ATG10: variants seen among roughly 807,000 people sequenced by gnomAD.
ATG10 encodes autophagy related 10.
In ATG10, 30 loss-of-function variants were observed where a neutral mutation model predicts 32.1. The observed-to-expected ratio is 0.94, with a 90% CI of 0.70 to 1.27. The LOEUF is 1.27. Among genes scored for constraint, ATG10 ranks in the 50% most tolerant of loss-of-function variants. The pLI, the probability that ATG10 is intolerant of heterozygous loss-of-function variation, is 0.00. For synonymous variants in ATG10, 87 were observed against 91.5 expected, an observed-to-expected ratio of 0.95 and a Z score of 0.28; for missense variants, 233 against 262.3, an observed-to-expected ratio of 0.89 and a Z score of 0.77.
intron 2 of ATG10, among the ~76,000 whole-genome samples, chr5:82,004,434 G>A (rs1204746549): frequency 6.6e-6 from 1 of 152,138 alleles, no homozygotes; most frequent in Non-Finnish European, 1.5e-5. Context: ...TAGGAAATCA[G>A]GAGATGGAGA....
At chr5:82,136,392 A>C (rs6884057) in intron 3 of ATG10, among the ~76,000 whole-genome samples, 49,720 of 151,988 alleles carry the variant, frequency 0.33, 9,258 homozygotes, top group African/African-American at 0.52. Context: ...TTTAGTGCTT[A>C]CTTCAGGAGC....
chr5:82,076,371 A>G (rs186670724), intron 3 of ATG10, among the ~76,000 whole-genome samples: 13 of 152,324 alleles, frequency 8.5e-5, no homozygotes, highest in Admixed American at 3.3e-4. Flanking sequence ...GGCAATTTTA[A>G]TTGTAAAATC....
rs757935761 is a variant in ATG10 at position 82,127,409 on chromosome 5, TG to T, written c.217-36989del. On this transcript the variant is annotated intron_variant, in intron 3 of 7. Transcript: ENST00000282185. ...GTTTTAGATCTTTCCTGCTTCCTCCTGTGGGCATTTAGTGCTGTAAATTTTC... is the reference window on the plus strand; with the variant it reads ...GTTTTAGATCTTTCCTGCTTCCTCCTTGGGCATTTAGTGCTGTAAATTTTC... Among the ~76,000 whole-genome samples, 11 of 152,276 alleles carry T rather than the reference TG, an allele frequency of 7.2e-5. No individual in the cohort carries two copies. The South Asian group carries it at 1.0e-3, about 14-fold the overall frequency.
At chr5:82,060,009 C>T (rs1296590406) in intron 3 of ATG10, among the ~76,000 whole-genome samples, 1 of 152,014 alleles carries the variant, frequency 6.6e-6, no homozygotes, top group African/African-American at 2.4e-5. Context: ...TAGTTTTTGC[C>T]TAACAAGTTG....
At chr5:82,005,118 G>T (rs1425278708) in intron 2 of ATG10, among the ~76,000 whole-genome samples, 1 of 152,002 alleles carries the variant, frequency 6.6e-6, no homozygotes, top group Non-Finnish European at 1.5e-5. Flanking sequence ...AAATAAATAG[G>T]GATAGATGAA....
chr5:82,037,114 AATGAGACTCT>A (rs1762946918), intron 2 of ATG10, among the ~76,000 whole-genome samples: 1 of 128,912 alleles, frequency 7.8e-6, no homozygotes, highest in South Asian at 2.8e-4. Flanking sequence ...CTGGCAACAG[AATGAGACTCT>A]GTCTCAAAAA....
intron 3 of ATG10, among the ~76,000 whole-genome samples, chr5:82,162,763 G>A (rs760832809): frequency 1.3e-4 from 20 of 150,238 alleles, no homozygotes; most frequent in Non-Finnish European, 1.0e-4. Flanking sequence ...TTGGCAGCAC[G>A]TGGCAGGATG....
At chr5:82,049,881 TC>T (rs1434480805) in intron 2 of ATG10, among the ~76,000 whole-genome samples, 1 of 152,180 alleles carries the variant, frequency 6.6e-6, no homozygotes, top group Non-Finnish European at 1.5e-5. Flanking sequence ...GATCTCAGTC[TC>T]CCTAGTGAAC....
intron 3 of ATG10, among the ~76,000 whole-genome samples, chr5:82,140,690 C>G (rs1767080648): frequency 7.2e-5 from 3 of 41,426 alleles, no homozygotes; most frequent in Admixed American, 2.5e-4. Context: ...GTGAGGAGCC[C>G]CTCTGCCCGG....
chr5:82,017,155 CTTT>C (rs546239476), intron 2 of ATG10, among the ~76,000 whole-genome samples: 1 of 141,272 alleles, frequency 7.1e-6, no homozygotes, highest in Admixed American at 7.1e-5. Context: ...TATTTTATCT[CTTT>C]TTTTTTTTTT....
chr5:82,200,864 A>ATTATTTATTTATTTAT (rs34770803), intron 5 of ATG10, among the ~76,000 whole-genome samples: 23 of 143,208 alleles, frequency 1.6e-4, no homozygotes, highest in African/African-American at 4.7e-4. Context: ...TTAAAAATAC[A>ATTATTTATTTATTTAT]TTATTTATTT....
intron 2 of ATG10, among the ~76,000 whole-genome samples, chr5:81,993,111 A>T (rs549931531): frequency 2.6e-5 from 4 of 152,140 alleles, no homozygotes; most frequent in African/African-American, 9.6e-5. Context: ...AGTCAGACAG[A>T]TCCAGGTTCA....
intron 2 of ATG10, among the ~76,000 whole-genome samples, chr5:82,038,066 A>G (rs1174653253): frequency 6.6e-6 from 1 of 152,224 alleles, no homozygotes; most frequent in Admixed American, 6.5e-5. Context: ...TGTATTTTCA[A>G]GATAAAGATT....
At chr5:82,194,163 A>G (rs879874069) in intron 5 of ATG10, among the ~76,000 whole-genome samples, 4 of 152,098 alleles carry the variant, frequency 2.6e-5, no homozygotes, top group Non-Finnish European at 1.5e-5. Flanking sequence ...CATTGGAACT[A>G]TTATTTGTGT....
At chr5:81,993,133 T>C (rs1019004030) in intron 2 of ATG10, among the ~76,000 whole-genome samples, 2 of 152,176 alleles carry the variant, frequency 1.3e-5, no homozygotes, top group African/African-American at 4.8e-5. Flanking sequence ...ATACCTTCTT[T>C]ACCATTTACT....
At position 81,993,364 on chromosome 5, in the gene ATG10, T is replaced by TTTCTTTC. The variant is rs374179266; in HGVS notation, c.108+5688_108+5689insCTTTCTT. 8.9e-3 allele frequency among the ~76,000 whole-genome samples: 305 copies of TTTCTTTC among 34,180 alleles called. 21 individuals are homozygous for TTTCTTTC. The highest frequency in any genetic ancestry group is 0.015 in the African/African-American group (127 of 8,538). The allele number at this position is 34,180 out of a possible 152,430, so 22.4% of individuals were successfully genotyped here. On this transcript the variant is annotated intron_variant, in intron 2 of 7. Transcript: ENST00000282185. ...CTTTCTTTCTTTCTTTCTTTCCTTC[T>TTTCTTTC]TTTCTTTTCTTTTCTTTTCTTTTCT...
chr5:82,164,069 A>C (rs1259975773), intron 3 of ATG10, among the ~76,000 whole-genome samples: 1 of 152,210 alleles, frequency 6.6e-6, no homozygotes, highest in Non-Finnish European at 1.5e-5. Flanking sequence ...AAGGTAGCTT[A>C]TATAGCCATC....
intron 3 of ATG10, among the ~76,000 whole-genome samples, chr5:82,141,064 G>A (rs1392958441): frequency 8.2e-6 from 1 of 122,306 alleles, no homozygotes; most frequent in African/African-American, 3.1e-5. Context: ...CTAATCTCAA[G>A]TAATCAGGGA....
intron 3 of ATG10, among the ~76,000 whole-genome samples, chr5:82,119,252 G>A (rs7727483): frequency 0.35 from 52,913 of 151,918 alleles, 10,106 homozygotes; most frequent in African/African-American, 0.52. Flanking sequence ...TTTTTCTACA[G>A]ATTTTTGTGG....
Sources: gnomAD v4.1 joint callset for allele counts (sites outside exome capture counted in the v4.1 genomes callset) on GRCh38, gnomAD v4.1.1 for gene constraint, MANE v1.5 for transcripts, NCBI Gene and HGNC (gene_info 2026-07-23, HGNC 2026-07-21) for gene names.